AASDH: variants seen among roughly 807,000 people sequenced by gnomAD.
The protein encoded by AASDH is beta-alanine-activating enzyme.
AASDH carries 81 observed loss-of-function variants against 102.3 expected under a neutral mutation model. That is an observed-to-expected ratio of 0.79 (90% CI 0.66 to 0.95). AASDH has a LOEUF of 0.95. AASDH is among the 40% of genes least tolerant of loss of function. The probability of loss-of-function intolerance (pLI) is 0.00; values close to 1 mark genes in which losing one functional copy is unlikely to be tolerated. For synonymous variants in AASDH, 398 were observed against 454.0 expected (o/e 0.88, Z 1.57); for missense variants, 1,203 against 1,266.2 (o/e 0.95, Z 0.76).
Position 56,375,835 on chromosome 4 carries a change from T to C in AASDH, c.668+2313A>G, listed in dbSNP as rs965537493. On this transcript the variant is annotated intron_variant, in intron 4 of 14. Transcript: ENST00000205214. Reference sequence around the variant, plus strand: ...TATTTACTTTACTATCCTAATCTTTTTGAGGCTATCAAAAAAAGAGGTATT... The same window carrying C: ...TATTTACTTTACTATCCTAATCTTTCTGAGGCTATCAAAAAAAGAGGTATT... Among the ~76,000 whole-genome samples, 46 of 152,102 alleles carry C rather than the reference T, an allele frequency of 3.0e-4. 1 individual carries two copies. The highest frequency in any genetic ancestry group is 8.8e-5 in the Non-Finnish European group (6 of 68,032).
intron 9 of AASDH, 74 bp downstream of exon 9, chr4:56,353,330 G>T: frequency 1.7e-6 from 2 of 1,206,986 alleles, no homozygotes; most frequent in Non-Finnish European, 2.3e-6. Flanking sequence ...AAAGATTTAT[G>T]TTATCATTAA....
intron 11 of AASDH, among the ~76,000 whole-genome samples, chr4:56,346,660 T>C (rs1202626459): frequency 2.0e-5 from 3 of 152,116 alleles, no homozygotes; most frequent in Non-Finnish European, 4.4e-5. Context: ...CATAAAACAA[T>C]TCTTAAAACT....
In AASDH at chr4:56,338,702, G is replaced by A; in HGVS notation, c.2997C>T (p.Cys999=). 1 of 1,614,156 alleles carries A rather than the reference G, an allele frequency of 6.2e-7. No homozygotes were observed. The change falls in exon 15 of 15, where the codon TGC becomes TGT. Residue 999 remains cysteine (C), a synonymous_variant. Transcript: ENST00000205214. The part of the protein sequence containing the change: ...EQKIFFGSHD[C]FIYCCNMKGH... ...CTTTCATGTTACAACAGTAGATAAA[G>A]CAATCATGGGAACCAAAAAATATTT... is the stretch of plus-strand genomic sequence containing the variant.
At chr4:56,349,140 A>G in intron 11 of AASDH, 123 bp downstream of exon 11, 1 of 1,053,520 alleles carries the variant, frequency 9.5e-7, no homozygotes. Flanking sequence ...AGGGTTAACT[A>G]TAATTTTTGG....
rs1325540444 is a variant in AASDH at position 56,375,112 on chromosome 4, C to CT, written c.668+3035_668+3036insA. 7.5e-4 allele frequency among the ~76,000 whole-genome samples: 114 copies of CT among 151,928 alleles called. 1 individual carries two copies. Among genetic ancestry groups the CT allele is most frequent in the Non-Finnish European group, 5.3e-4 (36 of 67,964 alleles). ...TTTTTAAGACAGAGTCTCGCTCTGT[C>CT]ACCCAAGCTGGAGTGCAGGGTCTTG... On this transcript the variant is annotated intron_variant, in intron 4 of 14. Coordinates refer to ENST00000205214, the MANE Select transcript of AASDH (RefSeq NM_181806.4).
chr4:56,353,924 C>A, intron 8 of AASDH, 115 bp downstream of exon 8: 1 of 945,474 alleles, frequency 1.1e-6, no homozygotes, highest in Non-Finnish European at 1.5e-6. Context: ...TGTAATTCAT[C>A]ACTAACACAA....
At chr4:56,377,176 T>G (rs1156325277) in intron 4 of AASDH, among the ~76,000 whole-genome samples, 1 of 152,240 alleles carries the variant, frequency 6.6e-6, no homozygotes, top group Non-Finnish European at 1.5e-5. Flanking sequence ...ACTTAAGCAT[T>G]TAAAATTACA....
intron 4 of AASDH, among the ~76,000 whole-genome samples, chr4:56,373,166 G>T (rs1751945721): frequency 6.6e-6 from 1 of 152,142 alleles, no homozygotes; most frequent in Non-Finnish European, 1.5e-5. Flanking sequence ...TTTGAGAAAA[G>T]TCTTGCTCTG....
intron 5 of AASDH, among the ~76,000 whole-genome samples, chr4:56,365,364 C>A (rs1312568196): frequency 6.6e-6 from 1 of 151,864 alleles, no homozygotes; most frequent in Non-Finnish European, 1.5e-5. Context: ...CTGCACCAAG[C>A]GGACCTAACA....
intron 5 of AASDH, among the ~76,000 whole-genome samples, 166 bp from the exon 6 acceptor site, chr4:56,355,589 T>C (rs1749523873): frequency 7.4e-6 from 1 of 135,944 alleles, no homozygotes; most frequent in South Asian, 2.5e-4. Flanking sequence ...AACATTATCT[T>C]CTTGTTTTTT....
intron 11 of AASDH, among the ~76,000 whole-genome samples, chr4:56,346,110 T>C (rs938827091): frequency 1.3e-5 from 2 of 152,140 alleles, no homozygotes; most frequent in African/African-American, 4.8e-5. Flanking sequence ...GAAGTAGAGA[T>C]GGTTCAAATG....
Position 56,378,216 on chromosome 4 carries a change from C to T in AASDH, c.600G>A (p.Gly200=), listed in dbSNP as rs142864328. The change falls in exon 4 of 15, where the codon GGG becomes GGA. Residue 200 remains glycine (G), a synonymous_variant. Coordinates refer to ENST00000205214, the MANE Select transcript of AASDH (RefSeq NM_181806.4). ...TGACAATCTTCGGTATCCCTGTAGT[C>T]CCTGATGTATGTAGAACATAGGCTA... ...HCLAYVLHTS[G]TTGIPKIVRV... 141 of 1,613,984 alleles carry T rather than the reference C, an allele frequency of 8.7e-5. No individual in the cohort carries two copies. The highest frequency in any genetic ancestry group is 1.2e-4 in the Non-Finnish European group (136 of 1,180,020).
At position 56,354,135 on chromosome 4, in the gene AASDH, A is replaced by G; in HGVS notation, c.1287T>C (p.Phe429=). ...PLGTMRATGD[F]VTVKDGEIFF... Reference sequence around the variant, plus strand: ...AAATCTCTCCATCTTTCACAGTCACAAAGTCTCCTGTAGCTCGCATTGTGC... The same window carrying G: ...AAATCTCTCCATCTTTCACAGTCACGAAGTCTCCTGTAGCTCGCATTGTGC... Residue 429 remains phenylalanine (F), a synonymous_variant, in exon 8 of 15, where the codon TTT becomes TTC. Transcript: ENST00000205214. 6.2e-7 allele frequency: 1 copy of G among 1,613,426 alleles called. No homozygotes were observed. Among genetic ancestry groups the G allele is most frequent in the Non-Finnish European group, 8.5e-7 (1 of 1,179,568 alleles).
intron 5 of AASDH, among the ~76,000 whole-genome samples, chr4:56,369,293 CCTTTTAGTAA>C (rs1751414116): frequency 6.6e-6 from 1 of 152,130 alleles, no homozygotes; most frequent in Admixed American, 6.5e-5. Flanking sequence ...AGTCTCCTTC[CCTTTTAGTAA>C]CTATGAATCA....
chr4:56,384,240 T>C lies in AASDH; in HGVS notation c.60A>G (p.Val20=), dbSNP rs1049369056. ...AASCYMDRVA[V]CFDECNNQLP... is the part of the protein sequence containing the mutation. ...GCTGGTTGTTGCATTCATCAAAACA[T>C]ACAGCTACTCTGTCCATATAACAGG... Residue 20 remains valine (V), a synonymous_variant, in exon 2 of 15, where the codon GTA becomes GTG. Transcript: ENST00000205214. The C allele has an allele frequency of 1.2e-6, 2 of 1,614,124 alleles. No homozygotes were observed. Among genetic ancestry groups the C allele is most frequent in the Non-Finnish European group, 1.7e-6 (2 of 1,180,006 alleles).
chr4:56,382,611 TAC>T lies in AASDH; in HGVS notation c.231-16_231-15del, dbSNP rs778135102. ...ACTTGGAGAATTCTAAAGAAAAAAGTACACAGTCAGCATAGAATGTCTGTTGA... is the reference window on the plus strand; with the variant it reads ...ACTTGGAGAATTCTAAAGAAAAAAGTACAGTCAGCATAGAATGTCTGTTGA... On this transcript the variant is annotated splice_polypyrimidine_tract_variant and intron_variant, in intron 2 of 14. Transcript: ENST00000205214. The T allele has an allele frequency of 5.0e-6, 8 of 1,604,816 alleles. No individual in the cohort carries two copies. The South Asian group carries it at 7.9e-5, about 16-fold the overall frequency.
intron 4 of AASDH, 41 bp from the exon 5 acceptor site, chr4:56,371,684 T>C (rs373434517): frequency 9.8e-6 from 15 of 1,532,848 alleles, no homozygotes; most frequent in Non-Finnish European, 1.3e-5. Context: ...ACGTCAAACA[T>C]TCAGTAAGCA....
chr4:56,364,706 C>A (rs1197065025), intron 5 of AASDH, among the ~76,000 whole-genome samples: 1 of 152,196 alleles, frequency 6.6e-6, no homozygotes, highest in Non-Finnish European at 1.5e-5. Flanking sequence ...CCTAAAAGAG[C>A]TCTTGAAGGA....
chr4:56,353,357 A>G (rs6554347), intron 9 of AASDH, 47 bp downstream of exon 9: 672,956 of 1,424,226 alleles, frequency 0.47, 161,542 homozygotes, highest in Non-Finnish European at 0.49. Flanking sequence ...TATGAATACA[A>G]TTAGTATTAT....
Sources: gnomAD v4.1 joint callset for allele counts (sites outside exome capture counted in the v4.1 genomes callset) on GRCh38, gnomAD v4.1.1 for gene constraint, MANE v1.5 for transcripts, NCBI Gene and HGNC (gene_info 2026-07-23, HGNC 2026-07-21) for gene names.